NT5DC3: variants seen among roughly 807,000 people sequenced by gnomAD.
The protein encoded by NT5DC3 is 5'-nucleotidase domain containing 3.
NT5DC3 carries 42 observed loss-of-function variants against 67.8 expected under a neutral mutation model. The observed-to-expected ratio is 0.62, with a 90% CI of 0.48 to 0.80. The LOEUF (loss-of-function observed/expected upper bound fraction) is 0.80. Among genes scored for constraint, NT5DC3 ranks in the 30% least tolerant of loss-of-function variants. The probability of loss-of-function intolerance (pLI) is 0.00; values close to 1 mark genes in which losing one functional copy is unlikely to be tolerated. For synonymous variants in NT5DC3, 237 were observed against 255.6 expected (o/e 0.93, Z 0.69); for missense variants, 570 against 696.4 (o/e 0.82, Z 2.04).
downstream of NT5DC3, chr12:103,771,383 A>G (rs1885177874): frequency 6.6e-6 from 1 of 152,238 alleles, no homozygotes; most frequent in Non-Finnish European, 1.5e-5. Context: ...GTGGTTACCT[A>G]TAAAAGAGTT....
intron 3 of NT5DC3, 26 bp from the exon 4 acceptor site, chr12:103,806,403 T>G: frequency 6.7e-7 from 1 of 1,488,878 alleles, no homozygotes; most frequent in Non-Finnish European, 9.4e-7. Flanking sequence ...CATATGCACA[T>G]GTAAATAATG....
At chr12:103,811,812 C>G (rs1330732179) in intron 2 of NT5DC3, among the ~76,000 whole-genome samples, 4 of 152,100 alleles carry the variant, frequency 2.6e-5, no homozygotes, top group Non-Finnish European at 4.4e-5. Flanking sequence ...TACAGGAACT[C>G]AGTATTTGCA....
At chr12:103,755,726 C>A in the NT5DC3 span, 4 of 1,613,812 alleles carry the variant, frequency 2.5e-6, no homozygotes, top group Admixed American at 1.7e-5. Context: ...ACGGTATGTA[C>A]CATGTCTGCT....
At chr12:103,750,721 G>C in the NT5DC3 span, 1 of 1,612,200 alleles carries the variant, frequency 6.2e-7, no homozygotes, top group East Asian at 2.2e-5. Context: ...CACTTCCAGG[G>C]TTAGTGTGAC....
At chr12:103,766,856 CTTCT>C (rs527474970), downstream of NT5DC3, 700 of 155,622 alleles carry the variant, frequency 4.5e-3, 7 homozygotes, top group Non-Finnish European at 7.1e-3. Context: ...GTTGTGTTTG[CTTCT>C]TTAAGAAGAC....
the NT5DC3 span, chr12:103,759,029 A>G: frequency 6.3e-7 from 1 of 1,582,896 alleles, no homozygotes; most frequent in Non-Finnish European, 8.6e-7. Flanking sequence ...GAGGCAGGAA[A>G]GCCTAGGCCA....
At chr12:103,829,896 A>C (rs1360612033) in intron 1 of NT5DC3, among the ~76,000 whole-genome samples, 3 of 151,916 alleles carry the variant, frequency 2.0e-5, no homozygotes, top group Non-Finnish European at 2.9e-5. Flanking sequence ...AAAAAAAAAA[A>C]AGGTCTCTTT....
the NT5DC3 span, among the ~76,000 whole-genome samples, chr12:103,760,418 A>G: frequency 6.6e-6 from 1 of 151,926 alleles, no homozygotes; most frequent in East Asian, 1.9e-4. Flanking sequence ...CCGCCACCAC[A>G]CTCAGCTGAT....
At chr12:103,792,931 C>G (rs987202575) in intron 9 of NT5DC3, among the ~76,000 whole-genome samples, 1 of 152,208 alleles carries the variant, frequency 6.6e-6, no homozygotes, top group Admixed American at 6.5e-5. Context: ...TCAAGCCTAC[C>G]TCATGGGTCT....
intron 6 of NT5DC3, among the ~76,000 whole-genome samples, chr12:103,795,792 T>C (rs1226258225): frequency 6.6e-6 from 1 of 152,250 alleles, no homozygotes; most frequent in Admixed American, 6.5e-5. Flanking sequence ...TATATAAACA[T>C]GTGACCATAA....
At chr12:103,780,420 G>A (rs896329547) in intron 12 of NT5DC3, 56 bp from the exon 13 acceptor site, 32 of 1,521,268 alleles carry the variant, frequency 2.1e-5, no homozygotes, top group African/African-American at 9.6e-5. Flanking sequence ...AGCTCATTAC[G>A]TAATGAGAAT....
intron 1 of NT5DC3, among the ~76,000 whole-genome samples, chr12:103,839,770 G>GAT (rs1888302353): frequency 1.3e-5 from 2 of 152,220 alleles, no homozygotes; most frequent in South Asian, 4.2e-4. Context: ...GGGAAACTAA[G>GAT]AAAGTAAGCC....
the NT5DC3 span, chr12:103,761,547 A>C: frequency 6.9e-6 from 5 of 729,854 alleles, no homozygotes; most frequent in Non-Finnish European, 6.6e-6. Flanking sequence ...TCCAACCTCC[A>C]AGGTAGCTGG....
At chr12:103,755,582 T>C in the NT5DC3 span, 1 of 1,613,482 alleles carries the variant, frequency 6.2e-7, no homozygotes, top group Admixed American at 1.7e-5. Flanking sequence ...GCCTTACTTG[T>C]GTGGGACCCT....
rs1475491590 is a variant in NT5DC3 at position 103,778,057 on chromosome 12, A to G, written c.1419T>C (p.Asn473=). The stretch of plus-strand genomic sequence containing the variant: ...TGCGGAACAGGCTTCCAAACTGGGC[A>G]TTGAAGAAACTCTTGGTCATTTCTC... The part of the protein sequence containing the change: ...EMREMTKSFF[N]AQFGSLFRTD... The change falls in exon 14 of 14, where the codon AAT becomes AAC. Residue 473 remains asparagine (N), a synonymous_variant. Coordinates refer to ENST00000392876, the MANE Select transcript of NT5DC3 (RefSeq NM_001031701.3). 1.2e-6 allele frequency: 2 copies of G among 1,613,302 alleles called. No individual in the cohort carries two copies. Among genetic ancestry groups the G allele is most frequent in the African/African-American group, 1.3e-5 (1 of 75,044 alleles).
At chr12:103,753,503 T>C in the NT5DC3 span, 1 of 1,055,598 alleles carries the variant, frequency 9.5e-7, no homozygotes, top group African/African-American at 1.6e-5. Flanking sequence ...ACCATGTCCA[T>C]TTATTGGGCA....
At chr12:103,791,858 A>G (rs1886080078) in intron 9 of NT5DC3, among the ~76,000 whole-genome samples, 1 of 152,202 alleles carries the variant, frequency 6.6e-6, no homozygotes, top group South Asian at 2.1e-4. Context: ...ATGAGAATCT[A>G]ATGCCTGATG....
chr12:103,828,724 G>A (rs1471246124), intron 1 of NT5DC3, among the ~76,000 whole-genome samples: 9 of 143,684 alleles, frequency 6.3e-5, no homozygotes, highest in East Asian at 2.1e-4. Context: ...TGGAGACGGA[G>A]TCTCACTCTG....
intron 2 of NT5DC3, among the ~76,000 whole-genome samples, chr12:103,809,847 C>T (rs750030708): frequency 4.6e-5 from 7 of 152,026 alleles, no homozygotes; most frequent in African/African-American, 7.2e-5. Context: ...GCCAACAGGA[C>T]GATGTCATAA....
Sources: allele counts gnomAD v4.1 joint callset (sites outside exome capture counted in the v4.1 genomes callset), GRCh38; gene constraint gnomAD v4.1.1; transcripts MANE v1.5; gene names NCBI Gene and HGNC (gene_info 2026-07-23, HGNC 2026-07-21).